ISYNA1: variants seen among roughly 807,000 people sequenced by gnomAD.
ISYNA1 encodes inositol-3-phosphate synthase 1, also known as MI-1-P synthase.
ISYNA1 carries 34 observed loss-of-function variants against 50.3 expected under a neutral mutation model. The observed-to-expected ratio is 0.68, with a 90% CI of 0.51 to 0.90. ISYNA1 has a LOEUF of 0.90. Among genes scored for constraint, ISYNA1 ranks in the 40% least tolerant of loss-of-function variants. The probability of loss-of-function intolerance (pLI) is 0.00; values close to 1 mark genes in which losing one functional copy is unlikely to be tolerated. For synonymous variants in ISYNA1, 396 were observed against 349.9 expected, an observed-to-expected ratio of 1.13 and a Z score of -1.47; for missense variants, 718 against 784.8, an observed-to-expected ratio of 0.91 and a Z score of 1.02.
Position 18,436,108 on chromosome 19 carries a change from C to T in ISYNA1, c.899G>A (p.Gly300Asp). 6.2e-7 allele frequency: 1 copy of T among 1,612,956 alleles called. No homozygotes were observed. Among genetic ancestry groups the T allele is most frequent in the Non-Finnish European group, 8.5e-7 (1 of 1,179,908 alleles). Residue 300 changes from glycine to aspartate, a missense_variant, in exon 7 of 11, where the codon GGC becomes GAC. Transcript: ENST00000338128. ...CTGGCCTGACTTGAAGTCATCTCCG[C>T]CCACAAAAACCCGGTGCTGCCACGC... ...ELAWQHRVFV[G>D]GDDFKSGQTK...
Position 18,434,858 on chromosome 19 carries a change from T to C in ISYNA1, c.*55A>G. 1.4e-6 allele frequency: 2 copies of C among 1,477,510 alleles called. No individual in the cohort carries two copies. The highest frequency in any genetic ancestry group is 2.3e-5 in the South Asian group (2 of 88,050). The allele number at this position is 1,477,510 out of a possible 1,614,324, so 91.5% of individuals were successfully genotyped here. The stretch of plus-strand genomic sequence containing the variant: ...CCTTTATTTGTGGGGGCCTTCAAGG[T>C]AGGGTCGTGGGGGGCAGCGGGGAGG... On this transcript the variant is annotated 3_prime_UTR_variant, in exon 11 of 11. Transcript: ENST00000338128.
rs542513210 is a variant in ISYNA1 at position 18,437,709 on chromosome 19, G to T, written c.172C>A (p.Arg58=). The change falls in exon 3 of 11, where the codon CGG becomes AGG. Residue 58 remains arginine, a synonymous_variant. Transcript: ENST00000338128. ...CAGCCGACAAGCATGACCCCGAGCCGGGGCACCTGCCGGGCGGTCCGGAAG... is the reference window on the plus strand; with the variant it reads ...CAGCCGACAAGCATGACCCCGAGCCTGGGCACCTGCCGGGCGGTCCGGAAG... ...FTFRTARQVP[R]LGVMLVGWGG... is the part of the protein sequence containing the mutation. 6.4e-7 allele frequency: 1 copy of T among 1,559,180 alleles called. No homozygotes were observed. The highest frequency in any genetic ancestry group is 1.7e-4 in the Middle Eastern group (1 of 5,996).
chr19:18,437,496 A>AAAAC, intron 3 of ISYNA1, 103 bp downstream of exon 3: 3 of 253,970 alleles, frequency 1.2e-5, no homozygotes, highest in Non-Finnish European at 1.5e-5. Context: ...CACCCCCTAC[A>AAAAC]GCCCCCCTGG....
chr19:18,434,579 C>T lies in ISYNA1; in HGVS notation c.*334G>A. ...TTTTTGGTAGCTTGTCTCAGATTCC[C>T]TCTTTGGCCTTCTGCCACCACACTC... On this transcript the variant is annotated 3_prime_UTR_variant, in exon 11 of 11. Coordinates refer to ENST00000338128, the MANE Select transcript of ISYNA1 (RefSeq NM_016368.5). The T allele has an allele frequency of 1.9e-6, 1 of 525,052 alleles. No homozygotes were observed. The highest frequency in any genetic ancestry group is 3.3e-6 in the Non-Finnish European group (1 of 298,736). 32.5% of individuals were successfully genotyped at this position (525,052 alleles called of 1,614,324 possible). A position where few individuals can be genotyped will look rare whatever the true frequency, so the allele number is the denominator to read the frequency against.
rs1361288453 is a variant in ISYNA1, at chr19:18,434,886, G to A, written c.*27C>T. The A allele has an allele frequency of 5.6e-6, 9 of 1,597,214 alleles. No individual in the cohort carries two copies. Among genetic ancestry groups the A allele is most frequent in the African/African-American group, 1.3e-5 (1 of 74,522 alleles). Reference sequence around the variant, plus strand: ...GGTCGTGGGGGGCAGCGGGGAGGAAGAGCCGAGAAACTGTGTGACCGGGGC... The same window carrying A: ...GGTCGTGGGGGGCAGCGGGGAGGAAAAGCCGAGAAACTGTGTGACCGGGGC... On this transcript the variant is annotated 3_prime_UTR_variant, in exon 11 of 11. Coordinates refer to ENST00000338128, the MANE Select transcript of ISYNA1 (RefSeq NM_016368.5).
Position 18,437,930 on chromosome 19 carries a change from C to T in ISYNA1, c.50G>A (p.Gly17Asp). The T allele has an allele frequency of 6.2e-7, 1 of 1,609,670 alleles. No individual in the cohort carries two copies. The highest frequency in any genetic ancestry group is 8.5e-7 in the Non-Finnish European group (1 of 1,178,950). ...GTATTGCGCCTCGATGGCCTCGGGG[C>T]CGTAGACCACGTCCGGGCTCTCGAC... Reference protein sequence around the residue: ...FFVESPDVVYGPEAIEAQYEY... With the variant: ...FFVESPDVVYDPEAIEAQYEY... The change falls in exon 2 of 11, where the codon GGC (glycine) becomes GAC (aspartate). Residue 17 changes from glycine (G) to aspartate (D), a missense_variant. Gly to Asp is a moderately conservative substitution (Grantham distance 94). Coordinates refer to ENST00000338128, the MANE Select transcript of ISYNA1 (RefSeq NM_016368.5).
chr19:18,438,008 AG>A lies in ISYNA1; in HGVS notation c.-9-21del. The A allele has an allele frequency of 6.5e-7, 1 of 1,532,590 alleles. No homozygotes were observed. The allele number at this position is 1,532,590 out of a possible 1,614,324, so 94.9% of individuals were successfully genotyped here. On this transcript the variant is annotated intron_variant, in intron 1 of 10. Coordinates refer to ENST00000338128, the MANE Select transcript of ISYNA1 (RefSeq NM_016368.5). ...GGCGGGCTGGGGGCCCGGGGTGAGC[AG>A]GGGGTCAGCGGGGACTCTAAGCGGC...
intron 3 of ISYNA1, 140 bp downstream of exon 3, chr19:18,437,459 C>CA: frequency 3.1e-6 from 3 of 978,530 alleles, no homozygotes; most frequent in Non-Finnish European, 2.7e-6. Flanking sequence ...GTCCCTCGCC[C>CA]CTGCAGCCCC....
Position 18,437,069 on chromosome 19 carries a change from T to C in ISYNA1, c.319A>G (p.Thr107Ala). 1 of 1,580,646 alleles carries C rather than the reference T, an allele frequency of 6.3e-7. No individual in the cohort carries two copies. Among genetic ancestry groups the C allele is most frequent in the Non-Finnish European group, 8.6e-7 (1 of 1,167,068 alleles). The change falls in exon 4 of 11, where the codon ACC becomes GCC. Residue 107 changes from threonine to alanine, a missense_variant. Thr to Ala is a moderately conservative substitution (Grantham distance 58). This residue lies in a region of ISYNA1 where 403 missense variants were observed against 466.6 expected (regional missense o/e 0.86). Coordinates refer to ENST00000338128, the MANE Select transcript of ISYNA1 (RefSeq NM_016368.5). ...TCGGCGTCCAGGCCCAGGCTCACGG[T>C]GCCCGCCTGAGTCAGCGAGCCGTAG... ...NYYGSLTQAG[T>A]VSLGLDAEGQ...
chr19:18,436,119 C>G lies in ISYNA1; in HGVS notation c.888G>C (p.Arg296=). The G allele has an allele frequency of 3.1e-6, 5 of 1,612,950 alleles. No homozygotes were observed. The highest frequency in any genetic ancestry group is 2.7e-5 in the African/African-American group (2 of 75,062). ...PGALELAWQH[R]VFVGGDDFKS... ...TGAAGTCATCTCCGCCCACAAAAAC[C>G]CGGTGCTGCCACGCGAGCTCAAGAG... Residue 296 remains arginine (R), a synonymous_variant, in exon 7 of 11, where the codon CGG becomes CGC. Coordinates refer to ENST00000338128, the MANE Select transcript of ISYNA1 (RefSeq NM_016368.5).
In ISYNA1 at chr19:18,435,391, C is replaced by G. The variant is rs199853571; in HGVS notation, c.1347G>C (p.Glu449Asp). 210 of 1,611,524 alleles carry G rather than the reference C, an allele frequency of 1.3e-4. No individual in the cohort carries two copies. Among genetic ancestry groups the G allele is most frequent in the Admixed American group, 2.3e-4 (14 of 60,026 alleles). Residue 449 changes from glutamate (E) to aspartate (D), a missense_variant, in exon 10 of 11, where the codon GAG becomes GAC. By Grantham distance (45) the Glu-to-Asp change is conservative. This residue lies in a region of ISYNA1 where 305 missense variants were observed against 292.6 expected (regional missense o/e 1.04). Transcript: ENST00000338128. ...ACAGCACGGGGTGGAAGGTCTGCGG[C>G]TCGGGGTCCATGTCAGTGCAGAAGC... is the stretch of plus-strand genomic sequence containing the variant. Reference protein sequence around the residue: ...RVSFCTDMDPEPQTFHPVLSL... With the variant: ...RVSFCTDMDPDPQTFHPVLSL...
Position 18,435,636 on chromosome 19 carries a change from C to G in ISYNA1, c.1181G>C (p.Arg394Pro). Residue 394 changes from arginine to proline, a missense_variant, in exon 9 of 11, where the codon CGC becomes CCC. Transcript: ENST00000338128. ...CTCCGAGGTATACTCATCCAGCGCG[C>G]GCTTGCTGTCACCCACGTACGGCAC... Reference protein sequence around the residue: ...KYVPYVGDSKRALDEYTSELM... With the variant: ...KYVPYVGDSKPALDEYTSELM... 1 of 1,611,572 alleles carries G rather than the reference C, an allele frequency of 6.2e-7. No individual in the cohort carries two copies. The highest frequency in any genetic ancestry group is 8.5e-7 in the Non-Finnish European group (1 of 1,179,124).
chr19:18,436,482 G>A lies in ISYNA1; in HGVS notation c.610-3C>T, dbSNP rs1351709812. 3 of 1,604,284 alleles carry A rather than the reference G, an allele frequency of 1.9e-6. No individual in the cohort carries two copies. In the Admixed American group the frequency reaches 5.0e-5, roughly 27 times the overall value. On this transcript the variant is annotated splice_polypyrimidine_tract_variant and splice_region_variant and intron_variant, in intron 5 of 10. Coordinates refer to ENST00000338128, the MANE Select transcript of ISYNA1 (RefSeq NM_016368.5). ...ATGTCCCTGCGGATCTGCTCCAGCTGTGGGTTGGATGGTGAGGGTGTGGGG... is the reference window on the plus strand; with the variant it reads ...ATGTCCCTGCGGATCTGCTCCAGCTATGGGTTGGATGGTGAGGGTGTGGGG...
chr19:18,437,321 G>C (rs1178683987), intron 3 of ISYNA1: 1 of 1,410,220 alleles, frequency 7.1e-7, no homozygotes, highest in Non-Finnish European at 9.2e-7. Flanking sequence ...AGGAGTCCCC[G>C]CTACCTCGCG....
At chr19:18,436,646 A>T in intron 5 of ISYNA1, 38 bp downstream of exon 5, 1 of 1,585,736 alleles carries the variant, frequency 6.3e-7, no homozygotes. Context: ...GGCGAAGAAC[A>T]GGTGGCAGGA....
In ISYNA1 at chr19:18,436,835, C is replaced by T. The variant is rs1189395680; in HGVS notation, c.458G>A (p.Arg153His). Residue 153 changes from arginine to histidine, a missense_variant, in exon 5 of 11, where the codon CGC becomes CAC. Transcript: ENST00000338128. ...CAGCCCCCAGTCCAGCACCTTCGCG[C>T]GCCGCATCGCCTCGGCCAGGTTCAG... ...SSLNLAEAMR[R>H]AKVLDWGLQE... The T allele has an allele frequency of 6.3e-7, 1 of 1,595,886 alleles. No homozygotes were observed.
rs764521122 is a variant in ISYNA1, at chr19:18,435,397, G to T, written c.1341C>A (p.Asp447Glu). 6.2e-7 allele frequency: 1 copy of T among 1,611,410 alleles called. No homozygotes were observed. The change falls in exon 10 of 11, where the codon GAC becomes GAA. Residue 447 changes from aspartate to glutamate, a missense_variant. This residue lies in a region of ISYNA1 where 305 missense variants were observed against 292.6 expected (regional missense o/e 1.04). Coordinates refer to ENST00000338128, the MANE Select transcript of ISYNA1 (RefSeq NM_016368.5). ...CQRVSFCTDMDPEPQTFHPVL... is the reference protein window; with the variant it reads ...CQRVSFCTDMEPEPQTFHPVL... Reference sequence around the variant, plus strand: ...CGGGGTGGAAGGTCTGCGGCTCGGGGTCCATGTCAGTGCAGAAGCTCACGC... The same window carrying T: ...CGGGGTGGAAGGTCTGCGGCTCGGGTTCCATGTCAGTGCAGAAGCTCACGC...
intron 3 of ISYNA1, 77 bp downstream of exon 3, chr19:18,437,521 GC>G: frequency 3.8e-6 from 1 of 259,850 alleles, no homozygotes; most frequent in Non-Finnish European, 5.1e-6. Context: ...GCAGAGCCCC[GC>G]CCCCTGCAGG....
Position 18,438,098 on chromosome 19 carries a change from C to T in ISYNA1, c.-15G>A, listed in dbSNP as rs1046660555. 9.0e-7 allele frequency: 1 copy of T among 1,109,922 alleles called. No individual in the cohort carries two copies. Among genetic ancestry groups the T allele is most frequent in the African/African-American group, 1.7e-5 (1 of 60,070 alleles). 68.8% of individuals were successfully genotyped at this position (1,109,922 alleles called of 1,614,324 possible). The stretch of plus-strand genomic sequence containing the variant: ...CTGCCCCGAACCGCACTCACCGGCG[C>T]AGAGTCGACTCAGGCAGCGGCGGCG... On this transcript the variant is annotated 5_prime_UTR_variant, in exon 1 of 11. Coordinates refer to ENST00000338128, the MANE Select transcript of ISYNA1 (RefSeq NM_016368.5).
Sources: allele counts gnomAD v4.1 joint callset, GRCh38; gene constraint gnomAD v4.1.1; regional missense constraint gnomAD v4.1.1; transcripts MANE v1.5; gene names NCBI Gene and HGNC (gene_info 2026-07-23, HGNC 2026-07-21).